The following ERLEC1 variants were observed in gnomAD, a reference collection of about 807,000 sequenced individuals.
ERLEC1 encodes the protein endoplasmic reticulum lectin 1.
ERLEC1 carries 47 observed loss-of-function variants against 68.0 expected under a neutral mutation model. The ratio of observed to expected loss-of-function variants is 0.69; its 90% CI spans 0.55 to 0.88. The LOEUF is 0.88. ERLEC1 is among the 40% of genes least tolerant of loss of function. The pLI is 0.00. For missense variants in ERLEC1, 567 were observed against 583.8 expected (o/e 0.97, Z 0.30); for synonymous variants, 225 against 203.2 (o/e 1.11, Z -0.91).
chr2:53,793,006 A>AC (rs11431418), intron 1 of ERLEC1, among the ~76,000 whole-genome samples: 2 of 75,872 alleles, frequency 2.6e-5, no homozygotes, highest in African/African-American at 7.7e-5. Context: ...ACCCTGTCTC[A>AC]AAAAAAAAAA....
chr2:53,804,130 C>A, intron 8 of ERLEC1, among the ~76,000 whole-genome samples: 1 of 151,956 alleles, frequency 6.6e-6, no homozygotes, highest in Non-Finnish European at 1.5e-5. Flanking sequence ...GACTCCACCT[C>A]AACAAAAAAT....
chr2:53,789,167 A>G (rs1675245928), intron 1 of ERLEC1, among the ~76,000 whole-genome samples: 1 of 152,036 alleles, frequency 6.6e-6, no homozygotes, highest in Non-Finnish European at 1.5e-5. Context: ...AGGCAGAGGC[A>G]GGCGGATTAT....
rs796234808 is a variant in ERLEC1, at chr2:53,817,375, C to T, written c.1381-523C>T. On this transcript the variant is annotated intron_variant, in intron 13 of 13. Coordinates refer to ENST00000185150, the MANE Select transcript of ERLEC1 (RefSeq NM_015701.5). The stretch of plus-strand genomic sequence containing the variant: ...GTCTCGATCTTCTGCCCTCACGATC[C>T]GCCCGTCTCGGCCTCCCAGAGTGCT... Among the ~76,000 whole-genome samples, 7 of 152,144 alleles carry T rather than the reference C, an allele frequency of 4.6e-5. 1 individual carries two copies. Among genetic ancestry groups the T allele is most frequent in the African/African-American group, 1.7e-4 (7 of 41,518 alleles).
intron 1 of ERLEC1, among the ~76,000 whole-genome samples, chr2:53,793,847 T>C (rs1416086948): frequency 6.6e-6 from 1 of 152,194 alleles, no homozygotes; most frequent in Non-Finnish European, 1.5e-5. Flanking sequence ...AATATGTTGA[T>C]AAAACCACCA....
At chr2:53,806,344 C>G (rs1323703658) in intron 8 of ERLEC1, among the ~76,000 whole-genome samples, 1 of 152,182 alleles carries the variant, frequency 6.6e-6, no homozygotes, top group Non-Finnish European at 1.5e-5. Context: ...ATTCTTGCCA[C>G]CTCTTCCCCT....
In ERLEC1 at chr2:53,814,872, A is replaced by G. The variant is rs1441284090; in HGVS notation, c.1317A>G (p.Ser439=). The change falls in exon 13 of 14, where the codon TCA becomes TCG. Residue 439 remains serine, a synonymous_variant. Transcript: ENST00000185150. ...CTCTCTGTTTTAGGTGCAAAGAATCAGATTCACCTCATGCTGTTACTGTAT... is the reference window on the plus strand; with the variant it reads ...CTCTCTGTTTTAGGTGCAAAGAATCGGATTCACCTCATGCTGTTACTGTAT... ...QVTVKLKCKE[S]DSPHAVTVYM... 2 of 1,607,738 alleles carry G rather than the reference A, an allele frequency of 1.2e-6. No individual in the cohort carries two copies. Among genetic ancestry groups the G allele is most frequent in the Middle Eastern group, 1.7e-4 (1 of 6,044 alleles).
Position 53,809,647 on chromosome 2 carries a change from G to A in ERLEC1, c.1101+374G>A, listed in dbSNP as rs568153532. Among the ~76,000 whole-genome samples, 3 of 152,288 alleles carry A rather than the reference G, an allele frequency of 2.0e-5. No individual in the cohort carries two copies. In the East Asian group the frequency reaches 5.8e-4, roughly 29 times the overall value. ...TGCCTGGAATCCTAGCTACTCAGGA[G>A]GCTAAGGTGGCAGGATCATTTGAGC... On this transcript the variant is annotated intron_variant, in intron 10 of 13. Transcript: ENST00000185150.
chr2:53,803,429 G>A (rs1676108007), intron 8 of ERLEC1, among the ~76,000 whole-genome samples: 4 of 152,210 alleles, frequency 2.6e-5, no homozygotes, highest in Admixed American at 6.5e-5. Flanking sequence ...CCCAGCTTTC[G>A]TTACTCTTCA....
At chr2:53,815,131 G>A (rs373980881) in intron 13 of ERLEC1, among the ~76,000 whole-genome samples, 196 bp downstream of exon 13, 25 of 149,272 alleles carry the variant, frequency 1.7e-4, no homozygotes, top group African/African-American at 4.2e-4. Flanking sequence ...TCAGCCTCCC[G>A]AGTAACTGGG....
At chr2:53,808,218 A>C (rs1676401689) in intron 8 of ERLEC1, 81 bp from the exon 9 acceptor site, 1 of 1,472,664 alleles carries the variant, frequency 6.8e-7, no homozygotes, top group African/African-American at 1.4e-5. Context: ...TCTGCAGTTT[A>C]AAAATAATAA....
rs1573116109 is a variant in ERLEC1, at chr2:53,818,059, G to A, written c.*90G>A. 1.2e-6 allele frequency: 1 copy of A among 831,160 alleles called. No individual in the cohort carries two copies. Among genetic ancestry groups the A allele is most frequent in the East Asian group, 2.4e-5 (1 of 40,934 alleles). 51.5% of individuals were successfully genotyped at this position (831,160 alleles called of 1,614,324 possible). ...TCTCATTATAGAGTTCTCAGCCATT[G>A]GACCTCTTCTAAAGGATGGTATAAA... On this transcript the variant is annotated 3_prime_UTR_variant, in exon 14 of 14. Coordinates refer to ENST00000185150, the MANE Select transcript of ERLEC1 (RefSeq NM_015701.5).
chr2:53,791,468 G>A (rs1389246848), intron 1 of ERLEC1, among the ~76,000 whole-genome samples: 1 of 152,078 alleles, frequency 6.6e-6, no homozygotes, highest in Non-Finnish European at 1.5e-5. Context: ...TCAGAATCCT[G>A]ATTTTAGTGG....
At chr2:53,796,446 CT>C (rs879648277) in intron 3 of ERLEC1, among the ~76,000 whole-genome samples, 15 of 150,708 alleles carry the variant, frequency 1.0e-4, no homozygotes, top group Admixed American at 7.3e-4. Context: ...TAAATTATTT[CT>C]TTTTTTTTCT....
chr2:53,797,258 G>T (rs1385078571), intron 3 of ERLEC1, among the ~76,000 whole-genome samples: 1 of 152,170 alleles, frequency 6.6e-6, no homozygotes, highest in African/African-American at 2.4e-5. Flanking sequence ...GTAGAAAATT[G>T]TCCCTAAGCC....
Position 53,787,310 on chromosome 2 carries a change from C to T in ERLEC1, c.100C>T (p.Leu34Phe). The T allele has an allele frequency of 1.9e-6, 3 of 1,611,166 alleles. No individual in the cohort carries two copies. The highest frequency in any genetic ancestry group is 2.2e-5 in the East Asian group (1 of 44,870). The change falls in exon 1 of 14, where the codon CTT (leucine) becomes TTT (phenylalanine). Residue 34 changes from leucine to phenylalanine, a missense_variant. Coordinates refer to ENST00000185150, the MANE Select transcript of ERLEC1 (RefSeq NM_015701.5). ...GGAGGCGTCCGGCGGCGGCCGAGCC[C>T]TTCCTCAACTCAGCGATGACATCCC... is the stretch of plus-strand genomic sequence containing the variant. ...LLEASGGGRA[L>F]PQLSDDIPFR... is the part of the protein sequence containing the mutation.
At chr2:53,810,186 T>C (rs1676514829) in intron 10 of ERLEC1, among the ~76,000 whole-genome samples, 1 of 151,922 alleles carries the variant, frequency 6.6e-6, no homozygotes, top group South Asian at 2.1e-4. Context: ...TAAGACACCC[T>C]GGGCCAGGCA....
chr2:53,809,510 G>C (rs1017108190), intron 10 of ERLEC1, among the ~76,000 whole-genome samples: 6 of 152,154 alleles, frequency 3.9e-5, no homozygotes, highest in African/African-American at 1.4e-4. Context: ...TATGAGCCTA[G>C]TAGAATAATG....
At chr2:53,794,635 G>A (rs1314765766) in intron 2 of ERLEC1, among the ~76,000 whole-genome samples, 186 bp downstream of exon 2, 1 of 152,038 alleles carries the variant, frequency 6.6e-6, no homozygotes, top group Non-Finnish European at 1.5e-5. Context: ...GGAAAAATTA[G>A]CAATCAATTT....
At chr2:53,814,392 A>G (rs1202532849) in intron 11 of ERLEC1, 151 bp from the exon 12 acceptor site, 1 of 508,068 alleles carries the variant, frequency 2.0e-6, no homozygotes, top group African/African-American at 1.9e-5. Context: ...AGATAACCCT[A>G]AAAATATTTT....
Sources: allele counts gnomAD v4.1 joint callset (sites outside exome capture counted in the v4.1 genomes callset), GRCh38; gene constraint gnomAD v4.1.1; transcripts MANE v1.5; gene names NCBI Gene and HGNC (gene_info 2026-07-23, HGNC 2026-07-21).